GGT1: variants seen among roughly 807,000 people sequenced by gnomAD.
The protein encoded by GGT1 is gamma-glutamyltransferase 1.
Under a neutral mutation model 56.0 loss-of-function variants are expected in GGT1, and 21 were observed. That is an observed-to-expected ratio of 0.38 (90% CI 0.27 to 0.54). The LOEUF (loss-of-function observed/expected upper bound fraction) is 0.54. Ranked by LOEUF, GGT1 falls within the 20% of genes least tolerant of loss-of-function variation. The pLI is 0.82. For missense variants in GGT1, 466 were observed against 787.0 expected, an observed-to-expected ratio of 0.59 and a Z score of 4.88; for synonymous variants, 238 against 342.6, an observed-to-expected ratio of 0.69 and a Z score of 3.37.
rs1166313594 is a variant in GGT1 at position 24,605,975 on chromosome 22, T to C, written c.-428-1979T>C. Among the ~76,000 whole-genome samples the C allele has an allele frequency of 3.0e-5, 2 of 66,582 alleles. 1 individual carries two copies. The highest frequency in any genetic ancestry group is 5.5e-5 in the Non-Finnish European group (2 of 36,540). The allele number at this position is 66,582 out of a possible 152,430, so 43.7% of individuals were successfully genotyped here. A position where few individuals can be genotyped will look rare whatever the true frequency, so the allele number is the denominator to read the frequency against. On this transcript the variant is annotated intron_variant, in intron 1 of 15. Coordinates refer to ENST00000400382, the MANE Select transcript of GGT1 (RefSeq NM_001288833.2). ...TATATATAATATATTACATATAATA[T>C]ATCATATATTATATTTATATAATTT...
chr22:24,593,296 G>A (rs536194117), upstream of GGT1: 11 of 182,530 alleles, frequency 6.0e-5, no homozygotes, highest in East Asian at 1.4e-3. Flanking sequence ...GGGGAGACGC[G>A]GAGCTCGGCC....
intron 7 of GGT1, among the ~76,000 whole-genome samples, chr22:24,616,607 C>T (rs1340902340): frequency 2.0e-5 from 3 of 147,706 alleles, no homozygotes; most frequent in Non-Finnish European, 3.0e-5. Flanking sequence ...TGCAGTGGCA[C>T]GATCTCGGCT....
chr22:24,618,176 G>A (rs2047188049), intron 7 of GGT1, among the ~76,000 whole-genome samples: 1 of 152,100 alleles, frequency 6.6e-6, no homozygotes, highest in Non-Finnish European at 1.5e-5. Context: ...TGGAGTCTCC[G>A]TCACCTTGAA....
chr22:24,618,452 G>A (rs1356799277), intron 7 of GGT1, among the ~76,000 whole-genome samples: 4 of 152,096 alleles, frequency 2.6e-5, no homozygotes, highest in Non-Finnish European at 5.9e-5. Context: ...TTAGCCTGGC[G>A]TGCTGGCCTG....
chr22:24,621,575 C>CG (rs2047411383), intron 9 of GGT1, among the ~76,000 whole-genome samples: 1 of 147,814 alleles, frequency 6.8e-6, no homozygotes, highest in African/African-American at 2.6e-5. Context: ...ATTTTTGTCA[C>CG]GTTTCATGGA....
intron 9 of GGT1, among the ~76,000 whole-genome samples, chr22:24,621,584 G>A (rs931015325): frequency 3.3e-5 from 5 of 151,242 alleles, no homozygotes; most frequent in Admixed American, 3.3e-4. Flanking sequence ...ACGTTTCATG[G>A]AGGAGGGTGA....
chr22:24,628,880 A>G lies in GGT1; in HGVS notation c.*41A>G, dbSNP rs528441424. ...AAGGCTGACAAGCAATCCAGGGACA[A>G]GATACTCACCAGGACCAGGAAGGGG... is the stretch of plus-strand genomic sequence containing the variant. On this transcript the variant is annotated 3_prime_UTR_variant, in exon 16 of 16. Coordinates refer to ENST00000400382, the MANE Select transcript of GGT1 (RefSeq NM_001288833.2). This position sits in a 1 kb window ranked among gnomAD's most constrained non-coding sequence, Gnocchi z 5.7. 13 of 1,587,652 alleles carry G rather than the reference A, an allele frequency of 8.2e-6. No individual in the cohort carries two copies. In the South Asian group the frequency reaches 1.0e-4, roughly 12 times the overall value.
At chr22:24,584,033 T>C in the GGT1 span, among the ~76,000 whole-genome samples, 2 of 152,192 alleles carry the variant, frequency 1.3e-5, no homozygotes, top group African/African-American at 4.8e-5. Flanking sequence ...ACAGAATAAA[T>C]GTATGTTGGT....
intron 5 of GGT1, among the ~76,000 whole-genome samples, chr22:24,611,547 T>TATCTATCTATCTATCTATC (rs2046674244): frequency 4.7e-5 from 1 of 21,134 alleles, no homozygotes; most frequent in African/African-American, 1.0e-4. Context: ...ATCTATCATC[T>TATCTATCTATCTATCTATC]ATCTATCTAT....
intron 5 of GGT1, 39 bp downstream of exon 5, chr22:24,611,284 T>C: frequency 7.9e-7 from 1 of 1,273,026 alleles, no homozygotes; most frequent in Non-Finnish European, 1.1e-6. Flanking sequence ...CCCTGAAAAC[T>C]GGGCAAGTGG....
chr22:24,610,987 G>C, intron 4 of GGT1, 88 bp from the exon 5 acceptor site: 1 of 1,219,842 alleles, frequency 8.2e-7, no homozygotes, highest in South Asian at 1.4e-5. Flanking sequence ...GTGTTTCTGA[G>C]GCCCGACTTT....
At chr22:24,586,474 A>T in the GGT1 span, 1 of 1,515,586 alleles carries the variant, frequency 6.6e-7, no homozygotes, top group Non-Finnish European at 9.0e-7. Context: ...CTGACCACAG[A>T]CAGTGACCTG....
rs142516175 is a variant in GGT1, at chr22:24,620,036, TAAAA to T, written c.383-289_383-286del. On this transcript the variant is annotated intron_variant, in intron 7 of 15. Transcript: ENST00000400382. The surrounding 1 kb of genome is among the most constrained non-coding windows in gnomAD (Gnocchi z 5.6). The stretch of plus-strand genomic sequence containing the variant: ...CCTCCTAAAAAAAAACAATTAAAAT[TAAAA>T]AATAAATTTAAAAATTAAAAATCCC... Among the ~76,000 whole-genome samples the T allele has an allele frequency of 1.3e-5, 2 of 150,148 alleles. No individual in the cohort carries two copies. The highest frequency in any genetic ancestry group is 1.3e-4 in the Admixed American group (2 of 15,056).
upstream of GGT1, among the ~76,000 whole-genome samples, chr22:24,591,213 G>A (rs1057208714): frequency 6.6e-6 from 1 of 152,230 alleles, no homozygotes; most frequent in Non-Finnish European, 1.5e-5. Context: ...CTGAGTAGCT[G>A]GGATTGCAGG....
At chr22:24,599,741 C>A (rs570471675), upstream of GGT1, among the ~76,000 whole-genome samples, 2 of 152,268 alleles carry the variant, frequency 1.3e-5, no homozygotes, top group South Asian at 4.1e-4. Flanking sequence ...GGCGCAGACT[C>A]GTCAGTGAGA....
At position 24,620,737 on chromosome 22, in the gene GGT1, G is replaced by A; in HGVS notation, c.576-176G>A. ...TGGCCATGTGTCCTGAGTGGCAAGG[G>A]ACACTAGGAAGCTCCCGGAAGGGAC... On this transcript the variant is annotated intron_variant, in intron 8 of 15. Coordinates refer to ENST00000400382, the MANE Select transcript of GGT1 (RefSeq NM_001288833.2). This position sits in a 1 kb window ranked among gnomAD's most constrained non-coding sequence, Gnocchi z 5.6. 3.4e-6 allele frequency: 5 copies of A among 1,459,410 alleles called. No individual in the cohort carries two copies. In the South Asian group the frequency reaches 7.3e-5, roughly 21 times the overall value. The allele number at this position is 1,459,410 out of a possible 1,614,324, so 90.4% of individuals were successfully genotyped here.
chr22:24,588,450 C>T, the GGT1 span: 3 of 828,104 alleles, frequency 3.6e-6, no homozygotes, highest in African/African-American at 3.3e-5. Flanking sequence ...CATGCATCAC[C>T]GAGTTGCCCA....
chr22:24,590,797 C>T (rs1247863446), upstream of GGT1, among the ~76,000 whole-genome samples: 2 of 152,156 alleles, frequency 1.3e-5, no homozygotes, highest in Non-Finnish European at 2.9e-5. Context: ...CCACCCATGC[C>T]CCAGCTCAGT....
intron 1 of GGT1, among the ~76,000 whole-genome samples, chr22:24,604,707 C>T (rs1314737844): frequency 6.6e-6 from 1 of 151,870 alleles, no homozygotes; most frequent in South Asian, 2.1e-4. Context: ...CCCCTAGGTG[C>T]CCTCTCTGCA....
Sources: allele counts gnomAD v4.1 joint callset (sites outside exome capture counted in the v4.1 genomes callset), GRCh38; gene constraint gnomAD v4.1.1; non-coding constraint Gnocchi (gnomAD v3.1); transcripts MANE v1.5; gene names NCBI Gene and HGNC (gene_info 2026-07-23, HGNC 2026-07-21).